Variants in PIP4K2A observed in about 807,000 individuals in gnomAD.
PIP4K2A encodes the protein phosphatidylinositol-5-phosphate 4-kinase type 2 alpha.
PIP4K2A carries 14 observed loss-of-function variants against 42.9 expected under a neutral mutation model. The observed-to-expected ratio is 0.33, with a 90% CI of 0.22 to 0.51. PIP4K2A has a LOEUF of 0.51. Ranked by LOEUF, PIP4K2A falls within the 20% of genes least tolerant of loss-of-function variation. The pLI is 0.97. For synonymous variants in PIP4K2A, 192 were observed against 192.2 expected (o/e 1.00, Z 0.01); for missense variants, 434 against 519.8 (o/e 0.83, Z 1.61).
chr10:22,701,957 G>A (rs560776597), intron 1 of PIP4K2A, among the ~76,000 whole-genome samples: 7 of 152,184 alleles, frequency 4.6e-5, no homozygotes, highest in Non-Finnish European at 1.0e-4. Flanking sequence ...GCTACAATGG[G>A]TCTACCAAAA....
At chr10:22,559,444 TAA>T (rs2130775794) in intron 6 of PIP4K2A, among the ~76,000 whole-genome samples, 1 of 152,342 alleles carries the variant, frequency 6.6e-6, no homozygotes, top group African/African-American at 2.4e-5. Context: ...CCATAAGCCA[TAA>T]GTCATAAAGC....
At chr10:22,686,805 T>A (rs373694564) in intron 1 of PIP4K2A, among the ~76,000 whole-genome samples, 1 of 152,070 alleles carries the variant, frequency 6.6e-6, no homozygotes, top group African/African-American at 2.4e-5. Flanking sequence ...TAAAGTAGAG[T>A]ATGGTACAAA....
In PIP4K2A at chr10:22,665,829, C is replaced by T. The variant is rs186596597; in HGVS notation, c.144+48354G>A. Among the ~76,000 whole-genome samples, 19 of 151,670 alleles carry T rather than the reference C, an allele frequency of 1.3e-4. No individual in the cohort carries two copies. In the East Asian group the frequency reaches 3.7e-3, roughly 29 times the overall value. On this transcript the variant is annotated intron_variant, in intron 1 of 9. Coordinates refer to ENST00000376573, the MANE Select transcript of PIP4K2A (RefSeq NM_005028.5). The stretch of plus-strand genomic sequence containing the variant: ...ATATATAGACATACACATATATATA[C>T]ATACACACACAGACACATACATATA...
chr10:22,685,802 C>A (rs538485258), intron 1 of PIP4K2A, among the ~76,000 whole-genome samples: 1 of 152,136 alleles, frequency 6.6e-6, no homozygotes, highest in Non-Finnish European at 1.5e-5. Context: ...TCCTATCACT[C>A]GTCTGGTGCC....
chr10:22,587,240 G>T (rs113761746), intron 4 of PIP4K2A, among the ~76,000 whole-genome samples: 11,667 of 147,896 alleles, frequency 0.079, 502 homozygotes, highest in Middle Eastern at 0.15. Context: ...CAAAGGAAAA[G>T]AAAAAAAAAA....
chr10:22,601,955 T>A (rs1009944305), intron 3 of PIP4K2A, among the ~76,000 whole-genome samples: 3 of 152,178 alleles, frequency 2.0e-5, no homozygotes, highest in Non-Finnish European at 2.9e-5. Context: ...ACCTGTGGGT[T>A]TACTTCTCTC....
intron 1 of PIP4K2A, among the ~76,000 whole-genome samples, chr10:22,677,836 A>C (rs537956054): frequency 6.6e-6 from 1 of 152,310 alleles, no homozygotes; most frequent in South Asian, 2.1e-4. Context: ...GTAAGGTCCT[A>C]AAGTGGCCTT....
intron 1 of PIP4K2A, among the ~76,000 whole-genome samples, chr10:22,646,448 G>T (rs1172882076): frequency 6.6e-6 from 1 of 152,074 alleles, no homozygotes; most frequent in African/African-American, 2.4e-5. Context: ...TTGGTTTCTG[G>T]TTATCTTGTA....
At chr10:22,692,102 TATAG>T (rs1317598816) in intron 1 of PIP4K2A, among the ~76,000 whole-genome samples, 2 of 151,750 alleles carry the variant, frequency 1.3e-5, no homozygotes, top group African/African-American at 2.4e-5. Context: ...CTCAATAATA[TATAG>T]AATCAGTGGG....
intron 1 of PIP4K2A, among the ~76,000 whole-genome samples, chr10:22,676,957 T>C (rs1050960590): frequency 6.6e-6 from 1 of 152,230 alleles, no homozygotes; most frequent in African/African-American, 2.4e-5. Flanking sequence ...TAGGTTAGTC[T>C]GGTACAATCT....
intron 1 of PIP4K2A, among the ~76,000 whole-genome samples, chr10:22,611,489 G>A (rs1158961987): frequency 2.0e-5 from 3 of 151,080 alleles, no homozygotes; most frequent in Non-Finnish European, 4.4e-5. Flanking sequence ...ACCTAGATAC[G>A]CTGTAGTTAA....
intron 1 of PIP4K2A, among the ~76,000 whole-genome samples, chr10:22,678,531 T>A (rs570304353): frequency 1.3e-5 from 2 of 152,134 alleles, no homozygotes; most frequent in East Asian, 3.9e-4. Context: ...AATAAATAAA[T>A]AAAAATAAGC....
intron 3 of PIP4K2A, among the ~76,000 whole-genome samples, chr10:22,605,730 C>A (rs1258158789): frequency 6.6e-6 from 1 of 151,484 alleles, no homozygotes; most frequent in African/African-American, 2.4e-5. Flanking sequence ...AAAACAAAAC[C>A]CAGCCAAACA....
chr10:22,684,072 T>C (rs1043881903), intron 1 of PIP4K2A, among the ~76,000 whole-genome samples: 8 of 151,628 alleles, frequency 5.3e-5, no homozygotes, highest in East Asian at 3.9e-4. Flanking sequence ...GTAGTCTTTT[T>C]CCCCCCCTTA....
intron 1 of PIP4K2A, among the ~76,000 whole-genome samples, chr10:22,683,394 C>A (rs1021884960): frequency 1.3e-5 from 2 of 152,178 alleles, no homozygotes; most frequent in African/African-American, 4.8e-5. Flanking sequence ...GGGCCAAGTG[C>A]AAGGGGACCT....
At chr10:22,575,082 T>C (rs1329543698) in intron 4 of PIP4K2A, among the ~76,000 whole-genome samples, 1 of 152,168 alleles carries the variant, frequency 6.6e-6, no homozygotes, top group East Asian at 1.9e-4. Flanking sequence ...TTAGCTTCAT[T>C]TTCCAGAAAA....
intron 1 of PIP4K2A, among the ~76,000 whole-genome samples, chr10:22,632,174 CA>C (rs1838564723): frequency 6.6e-6 from 1 of 152,110 alleles, no homozygotes; most frequent in South Asian, 2.1e-4. Context: ...CCAAATGCAT[CA>C]GGTGATCCTG....
rs566178999 is a variant in PIP4K2A, at chr10:22,647,958, T to C, written c.145-38241A>G. On this transcript the variant is annotated intron_variant, in intron 1 of 9. Transcript: ENST00000376573. ...GCATTTAGAAGATAAAAATAAAACA[T>C]CGACAACATCTCAGCCACTGGATCT... Among the ~76,000 whole-genome samples, 5 of 152,296 alleles carry C rather than the reference T, an allele frequency of 3.3e-5. No homozygotes were observed. The South Asian group carries it at 8.3e-4, about 25-fold the overall frequency.
At chr10:22,703,843 G>C (rs1191094870) in intron 1 of PIP4K2A, among the ~76,000 whole-genome samples, 2 of 152,126 alleles carry the variant, frequency 1.3e-5, no homozygotes, top group Non-Finnish European at 2.9e-5. Context: ...CTCAAAAATT[G>C]GATGTGGAGA....
Sources: gnomAD v4.1 joint callset for allele counts (sites outside exome capture counted in the v4.1 genomes callset) on GRCh38, gnomAD v4.1.1 for gene constraint, MANE v1.5 for transcripts, NCBI Gene and HGNC (gene_info 2026-07-23, HGNC 2026-07-21) for gene names.